NRBP1: variants seen among roughly 807,000 people sequenced by gnomAD.
NRBP1 encodes the protein nuclear receptor-binding protein.
In NRBP1, 10 loss-of-function variants were observed where a neutral mutation model predicts 76.0. The observed-to-expected ratio is 0.13, with a 90% CI of 0.08 to 0.22. The LOEUF (loss-of-function observed/expected upper bound fraction) is 0.22, where lower values mean the gene tolerates loss of function less well. Ranked by LOEUF, NRBP1 falls within the 10% of genes least tolerant of loss-of-function variation. The pLI, the probability that NRBP1 is intolerant of heterozygous loss-of-function variation, is 1.00. For missense variants in NRBP1, 344 were observed against 646.0 expected (o/e 0.53, Z 5.07); for synonymous variants, 235 against 240.2 (o/e 0.98, Z 0.20).
chr2:27,440,640 T>C lies in NRBP1; in HGVS notation c.1143-12T>C. The C allele has an allele frequency of 6.2e-7, 1 of 1,614,140 alleles. No individual in the cohort carries two copies. The highest frequency in any genetic ancestry group is 8.5e-7 in the Non-Finnish European group (1 of 1,180,012). On this transcript the variant is annotated splice_polypyrimidine_tract_variant and intron_variant, in intron 12 of 17. Transcript: ENST00000379852. ...TTCTTTCCTTCCATCTCCTTTCTCT[T>C]TTCTCGTCCAGGTACTCTCAGTCAC...
chr2:27,434,791 C>T, intron 6 of NRBP1, 29 bp downstream of exon 6: 1 of 1,606,578 alleles, frequency 6.2e-7, no homozygotes, highest in Non-Finnish European at 8.5e-7. Flanking sequence ...GTTTCTTACC[C>T]ATATTTCCTG....
At chr2:27,439,280 G>A (rs1354389159) in intron 10 of NRBP1, among the ~76,000 whole-genome samples, 1 of 152,040 alleles carries the variant, frequency 6.6e-6, no homozygotes, top group African/African-American at 2.4e-5. Context: ...GAGGTCAGGA[G>A]ATTGAGACCA....
intron 1 of NRBP1, 74 bp downstream of exon 1, chr2:27,428,805 C>T (rs1434043227): frequency 2.5e-6 from 1 of 398,006 alleles, no homozygotes; most frequent in Non-Finnish European, 4.4e-6. Flanking sequence ...CTCCGAGGCC[C>T]GGGACGGTGG....
At chr2:27,435,959 C>A in intron 7 of NRBP1, 4 of 606,948 alleles carry the variant, frequency 6.6e-6, no homozygotes, top group Non-Finnish European at 1.2e-5. Flanking sequence ...TGGCCACTTA[C>A]CTCCTGGATT....
In NRBP1 at chr2:27,439,995, C is replaced by CTTTTT. The variant is rs70953859; in HGVS notation, c.1036+129_1036+133dup. The CTTTTT allele has an allele frequency of 1.2e-4, 54 of 459,754 alleles. 9 individuals carry two copies. Among genetic ancestry groups the CTTTTT allele is most frequent in the East Asian group, 3.1e-4 (3 of 9,642 alleles). 28.5% of individuals were successfully genotyped at this position (459,754 alleles called of 1,614,324 possible). On this transcript the variant is annotated intron_variant, in intron 11 of 17. Coordinates refer to ENST00000379852, the MANE Select transcript of NRBP1 (RefSeq NM_013392.4). ...TTTCCTCTTTATTTCCAAAGGGATT[C>CTTTTT]TTTTTTTTTTTTTTTTTTTTTTTTT...
intron 1 of NRBP1, chr2:27,429,206 GGGCCCC>G (rs1664006006): frequency 6.6e-6 from 1 of 152,410 alleles, no homozygotes; most frequent in Non-Finnish European, 1.5e-5. Context: ...CTGGCTCCCT[GGGCCCC>G]AGCCTGGTTC....
At position 27,440,925 on chromosome 2, in the gene NRBP1, G is replaced by A; in HGVS notation, c.1314G>A (p.Glu438=). The change falls in exon 14 of 18, where the codon GAG becomes GAA. Residue 438 remains glutamate, a synonymous_variant. Transcript: ENST00000379852. ...SVKTPTPEPA[E]VETRKVVLMQ... is the part of the protein sequence containing the mutation. ...AGACTCCGACACCTGAACCAGCTGAGGTGGAGACTCGCAAGGTGGGGGCTG... is the reference window on the plus strand; with the variant it reads ...AGACTCCGACACCTGAACCAGCTGAAGTGGAGACTCGCAAGGTGGGGGCTG... 6.2e-7 allele frequency: 1 copy of A among 1,613,646 alleles called. No homozygotes were observed. Among genetic ancestry groups the A allele is most frequent in the Non-Finnish European group, 8.5e-7 (1 of 1,180,036 alleles).
At chr2:27,428,550 A>C (rs963989404), upstream of NRBP1, 143 of 396,370 alleles carry the variant, frequency 3.6e-4, no homozygotes, top group African/African-American at 2.8e-3. Flanking sequence ...CCCACCCAGA[A>C]CGTCACCCAA....
At chr2:27,431,173 G>C (rs1432172509) in intron 1 of NRBP1, among the ~76,000 whole-genome samples, 1 of 152,132 alleles carries the variant, frequency 6.6e-6, no homozygotes, top group Non-Finnish European at 1.5e-5. Flanking sequence ...GGTGGCACGT[G>C]CCCGTAGTCC....
At position 27,428,676 on chromosome 2, in the gene NRBP1, G is replaced by T. The variant is rs191228559; in HGVS notation, c.-76G>T. On this transcript the variant is annotated 5_prime_UTR_variant, in exon 1 of 18. Coordinates refer to ENST00000379852, the MANE Select transcript of NRBP1 (RefSeq NM_013392.4). ...CTGTGAGGGAGTCGCTGTGATCCGG[G>T]GCCCCGGAACCCGAGCTGGAGCTGA... 19 of 398,162 alleles carry T rather than the reference G, an allele frequency of 4.8e-5. No homozygotes were observed. The highest frequency in any genetic ancestry group is 2.9e-4 in the African/African-American group (14 of 48,724). 24.7% of individuals were successfully genotyped at this position (398,162 alleles called of 1,614,324 possible).
At chr2:27,436,003 A>T in intron 7 of NRBP1, 1 of 583,638 alleles carries the variant, frequency 1.7e-6, no homozygotes, top group South Asian at 2.0e-5. Flanking sequence ...TAGTTCCCAG[A>T]TCATACTGTG....
Position 27,436,643 on chromosome 2 carries a change from T to G in NRBP1, c.662-110T>G, listed in dbSNP as rs940870454. 4.8e-5 allele frequency: 40 copies of G among 833,282 alleles called. 1 individual carries two copies. The East Asian group carries it at 9.8e-4, about 20-fold the overall frequency. The allele number at this position is 833,282 out of a possible 1,614,324, so 51.6% of individuals were successfully genotyped here. A position where few individuals can be genotyped will look rare whatever the true frequency, so the allele number is the denominator to read the frequency against. On this transcript the variant is annotated intron_variant, in intron 7 of 17. Transcript: ENST00000379852. Reference sequence around the variant, plus strand: ...GGAATATGTTTGTGCCTGTTGAGGGTCATCAGAAAGGAGACTTCAGGAGAG... The same window carrying G: ...GGAATATGTTTGTGCCTGTTGAGGGGCATCAGAAAGGAGACTTCAGGAGAG...
chr2:27,436,796 A>C lies in NRBP1; in HGVS notation c.705A>C (p.Glu235Asp). The change falls in exon 8 of 18, where the codon GAA becomes GAC. Residue 235 changes from glutamate to aspartate, a missense_variant. By Grantham distance (45) the Glu-to-Asp change is conservative (BLOSUM62 2). Transcript: ENST00000379852. ...ACAATCATGTGAAGACTTGTCGAGA[A>C]GAGCAGAAGAATCTACACTTCTTTG... ...TINNHVKTCR[E>D]EQKNLHFFAP... The C allele has an allele frequency of 6.2e-7, 1 of 1,613,748 alleles. No individual in the cohort carries two copies. The highest frequency in any genetic ancestry group is 8.5e-7 in the Non-Finnish European group (1 of 1,179,908).
rs113644606 is a variant in NRBP1 at position 27,437,002 on chromosome 2, G to A, written c.746-45G>A. ...TCCTAAGGCATTCCTGCCAACCCTAGCCCCCAATCCTCTGATTAACCAAAG... is the reference window on the plus strand; with the variant it reads ...TCCTAAGGCATTCCTGCCAACCCTAACCCCCAATCCTCTGATTAACCAAAG... On this transcript the variant is annotated intron_variant, in intron 8 of 17. Transcript: ENST00000379852. 795 of 1,564,014 alleles carry A rather than the reference G, an allele frequency of 5.1e-4. 2 individuals carry two copies. In the African/African-American group the frequency reaches 9.7e-3, roughly 19 times the overall value.
At chr2:27,437,975 T>G (rs903804210) in intron 10 of NRBP1, among the ~76,000 whole-genome samples, 1 of 151,562 alleles carries the variant, frequency 6.6e-6, no homozygotes, top group Non-Finnish European at 1.5e-5. Context: ...TCACTTGAGG[T>G]CAGGAGTTTG....
At chr2:27,436,963 T>C (rs1421902079) in intron 8 of NRBP1, 84 bp from the exon 9 acceptor site, 3 of 1,492,652 alleles carry the variant, frequency 2.0e-6, no homozygotes, top group Non-Finnish European at 2.8e-6. Context: ...TATTTTTCTT[T>C]TCTTTTTTTT....
intron 8 of NRBP1, 81 bp from the exon 9 acceptor site, chr2:27,436,966 T>C (rs1572691383): frequency 2.4e-6 from 2 of 818,924 alleles, no homozygotes; most frequent in Non-Finnish European, 3.5e-6. Context: ...TTTTCTTTTC[T>C]TTTTTTTTTT....
intron 17 of NRBP1, 41 bp from the exon 18 acceptor site, chr2:27,441,667 T>C: frequency 6.2e-7 from 1 of 1,612,682 alleles, no homozygotes; most frequent in Non-Finnish European, 8.5e-7. Context: ...CCATGCCTTC[T>C]CTTCTCTCAG....
chr2:27,441,941 G>C lies in NRBP1; in HGVS notation c.*129G>C. 1 of 654,192 alleles carries C rather than the reference G, an allele frequency of 1.5e-6. No homozygotes were observed. Among genetic ancestry groups the C allele is most frequent in the Non-Finnish European group, 2.7e-6 (1 of 367,768 alleles). 40.5% of individuals were successfully genotyped at this position (654,192 alleles called of 1,614,324 possible). Reference sequence around the variant, plus strand: ...CCCTCCTTTATTATTCAGGAGGGCTGGGGGGGCTCCCTGGTTCTGAGCATC... The same window carrying C: ...CCCTCCTTTATTATTCAGGAGGGCTCGGGGGGCTCCCTGGTTCTGAGCATC... On this transcript the variant is annotated 3_prime_UTR_variant, in exon 18 of 18. Coordinates refer to ENST00000379852, the MANE Select transcript of NRBP1 (RefSeq NM_013392.4).
Sources: gnomAD v4.1 joint callset for allele counts (sites outside exome capture counted in the v4.1 genomes callset) on GRCh38, gnomAD v4.1.1 for gene constraint, MANE v1.5 for transcripts, NCBI Gene and HGNC (gene_info 2026-07-23, HGNC 2026-07-21) for gene names.